Variants in PTPN13 observed in about 807,000 individuals in gnomAD.
The protein encoded by PTPN13 is tyrosine-protein phosphatase non-receptor type 13.
In PTPN13, 191 loss-of-function variants were observed where a neutral mutation model predicts 284.0. That is an observed-to-expected ratio of 0.67 (90% CI 0.60 to 0.76). The LOEUF (loss-of-function observed/expected upper bound fraction) is 0.76. PTPN13 is among the 30% of genes least tolerant of loss of function. The pLI is 0.00. For missense variants in PTPN13, 2,797 were observed against 2,939.9 expected, an observed-to-expected ratio of 0.95 and a Z score of 1.12; for synonymous variants, 986 against 1,022.3, an observed-to-expected ratio of 0.96 and a Z score of 0.68.
intron 10 of PTPN13, among the ~76,000 whole-genome samples, chr4:86,723,111 T>G (rs1389127054): frequency 6.6e-6 from 1 of 152,246 alleles, no homozygotes; most frequent in East Asian, 1.9e-4. Flanking sequence ...CTTAAATGTT[T>G]TACAACTTCT....
rs191573226 is a variant in PTPN13 at position 86,705,071 on chromosome 4, G to C, written c.1195+3270G>C. Among the ~76,000 whole-genome samples the C allele has an allele frequency of 3.9e-3, 593 of 152,146 alleles. 1 individual carries two copies. The highest frequency in any genetic ancestry group is 0.012 in the African/African-American group (516 of 41,534). The stretch of plus-strand genomic sequence containing the variant: ...GCAAACAAGGCTGGGCGCGGTGGCT[G>C]ATGCCTGTAATCCCAGCACTTTGGG... On this transcript the variant is annotated intron_variant, in intron 7 of 47. Coordinates refer to ENST00000411767, the MANE Select transcript of PTPN13 (RefSeq NM_080683.3).
At chr4:86,759,725 T>C (rs149785258) in intron 23 of PTPN13, among the ~76,000 whole-genome samples, 17 of 152,298 alleles carry the variant, frequency 1.1e-4, no homozygotes, top group Admixed American at 3.9e-4. Flanking sequence ...CACATGAACC[T>C]TCTAAGCCTC....
At chr4:86,782,173 C>T in intron 36 of PTPN13, 28 bp from the exon 37 acceptor site, 1 of 1,539,400 alleles carries the variant, frequency 6.5e-7, no homozygotes, top group African/African-American at 1.4e-5. Context: ...ATTGGCTCAT[C>T]CCCTTACTTC....
intron 40 of PTPN13, among the ~76,000 whole-genome samples, chr4:86,786,525 C>T (rs946904449): frequency 1.3e-5 from 2 of 152,090 alleles, no homozygotes; most frequent in Non-Finnish European, 2.9e-5. Flanking sequence ...AAGCTTACGG[C>T]TGATAAGTAT....
intron 7 of PTPN13, among the ~76,000 whole-genome samples, chr4:86,715,650 T>C (rs1732935804): frequency 6.6e-6 from 1 of 152,230 alleles, no homozygotes; most frequent in Admixed American, 6.5e-5. Context: ...AATACCAAGC[T>C]AAGAAGTTTT....
intron 40 of PTPN13, among the ~76,000 whole-genome samples, chr4:86,789,970 C>T (rs1407838362): frequency 1.3e-5 from 2 of 151,646 alleles, no homozygotes; most frequent in African/African-American, 4.8e-5. Flanking sequence ...TTGAGCTTTA[C>T]CTCACCATTT....
intron 2 of PTPN13, among the ~76,000 whole-genome samples, chr4:86,636,929 T>C (rs1455975369): frequency 2.0e-5 from 3 of 151,278 alleles, no homozygotes; most frequent in East Asian, 1.9e-4. Flanking sequence ...GATAGACCGC[T>C]AGCAAGACTA....
At chr4:86,746,647 C>A (rs1158199102) in intron 17 of PTPN13, among the ~76,000 whole-genome samples, 4 of 151,138 alleles carry the variant, frequency 2.6e-5, no homozygotes, top group Non-Finnish European at 5.9e-5. Context: ...TTTGTTTTTT[C>A]TTTTATTTGA....
intron 40 of PTPN13, among the ~76,000 whole-genome samples, chr4:86,792,707 A>G (rs187044760): frequency 3.9e-5 from 6 of 152,358 alleles, no homozygotes; most frequent in Admixed American, 3.9e-4. Context: ...CCAATATTCA[A>G]CATTCTTAAA....
At chr4:86,638,499 G>A (rs931120050) in intron 2 of PTPN13, among the ~76,000 whole-genome samples, 3 of 152,122 alleles carry the variant, frequency 2.0e-5, no homozygotes, top group African/African-American at 4.8e-5. Flanking sequence ...GAATGGAACT[G>A]AACAGAGCCC....
intron 10 of PTPN13, among the ~76,000 whole-genome samples, chr4:86,725,535 T>C (rs1264223685): frequency 6.7e-6 from 1 of 149,674 alleles, no homozygotes; most frequent in Non-Finnish European, 1.5e-5. Context: ...TGGTATCTCA[T>C]TGTGGTTTTG....
chr4:86,651,191 A>T (rs1221348891), intron 2 of PTPN13, among the ~76,000 whole-genome samples: 3 of 152,276 alleles, frequency 2.0e-5, no homozygotes, highest in South Asian at 4.1e-4. Context: ...TTTGTCTTTT[A>T]TTCTGTTGAT....
In PTPN13 at chr4:86,716,612, A is replaced by C; in HGVS notation, c.1278A>C (p.Ser426=). The change falls in exon 8 of 48, where the codon TCA becomes TCC. Residue 426 remains serine, a synonymous_variant. Coordinates refer to ENST00000411767, the MANE Select transcript of PTPN13 (RefSeq NM_080683.3). ...SESPSIISSE[S]DFRQVRRSEA... is the part of the protein sequence containing the mutation. ...GTCCATCTATTATTTCCTCTGAATC[A>C]GATTTCAGACAAGGTAGGAGGCATC... 6.3e-7 allele frequency: 1 copy of C among 1,584,038 alleles called. No individual in the cohort carries two copies.
intron 35 of PTPN13, among the ~76,000 whole-genome samples, chr4:86,776,892 C>T (rs914305234): frequency 3.3e-5 from 5 of 152,174 alleles, no homozygotes; most frequent in South Asian, 4.1e-4. Flanking sequence ...GCTGCACCAT[C>T]GTAAGTTGGG....
In PTPN13 at chr4:86,766,561, C is replaced by G. The variant is rs202167326; in HGVS notation, c.4329+44C>G. The G allele has an allele frequency of 3.7e-6, 5 of 1,362,004 alleles. No individual in the cohort carries two copies. In the East Asian group the frequency reaches 9.7e-5, roughly 26 times the overall value. The allele number at this position is 1,362,004 out of a possible 1,614,324, so 84.4% of individuals were successfully genotyped here. A position where few individuals can be genotyped will look rare whatever the true frequency, so the allele number is the denominator to read the frequency against. ...AACCTTTTACAGTACCTTAGAAGAG[C>G]AAAACAATGTGTGAATAACATCAGT... is the stretch of plus-strand genomic sequence containing the variant. On this transcript the variant is annotated intron_variant, in intron 27 of 47. Transcript: ENST00000411767.
At position 86,766,480 on chromosome 4, in the gene PTPN13, A is replaced by G. The variant is rs1232975536; in HGVS notation, c.4292A>G (p.His1431Arg). The G allele has an allele frequency of 7.5e-6, 12 of 1,610,244 alleles. No homozygotes were observed. Among genetic ancestry groups the G allele is most frequent in the South Asian group, 1.1e-5 (1 of 89,802 alleles). ...GGAGTTAGTCTAGAAGGAGCCACCC[A>G]TAAGCAAGCTGTGGAAACACTGAGA... ...VNGVSLEGAT[H>R]KQAVETLRNT... Residue 1431 changes from histidine to arginine, a missense_variant, in exon 27 of 48, where the codon CAT (histidine) becomes CGT (arginine). Transcript: ENST00000411767.
intron 10 of PTPN13, among the ~76,000 whole-genome samples, chr4:86,730,378 G>A (rs1387956886): frequency 4.7e-5 from 7 of 149,886 alleles, no homozygotes; most frequent in Non-Finnish European, 7.5e-5. Context: ...AGAAGTTTCT[G>A]CTTCCTTTTG....
intron 2 of PTPN13, among the ~76,000 whole-genome samples, chr4:86,668,468 A>G (rs1370379470): frequency 3.3e-5 from 5 of 152,190 alleles, no homozygotes; most frequent in Admixed American, 1.3e-4. Context: ...CAGTACGTAA[A>G]TGTCATGTGT....
chr4:86,804,675 C>T (rs1285206895), intron 43 of PTPN13, among the ~76,000 whole-genome samples: 1 of 152,208 alleles, frequency 6.6e-6, no homozygotes, highest in Non-Finnish European at 1.5e-5. Flanking sequence ...GCATATACTA[C>T]AATATTTGTT....
Sources: allele counts gnomAD v4.1 joint callset (sites outside exome capture counted in the v4.1 genomes callset), GRCh38; gene constraint gnomAD v4.1.1; transcripts MANE v1.5; gene names NCBI Gene and HGNC (gene_info 2026-07-23, HGNC 2026-07-21).